Variants in TMEM272 observed in about 807,000 individuals in gnomAD.
TMEM272 encodes transmembrane protein 272, also known as long intergenic non-protein coding RNA 282.
TMEM272 carries 8 observed loss-of-function variants against 3.7 expected under a neutral mutation model. The ratio of observed to expected loss-of-function variants is 2.17; its 90% confidence interval spans 1.27 to 3.91. The LOEUF is 3.91. TMEM272 is among the 30% of genes most tolerant of loss of function. The pLI, the probability that TMEM272 is intolerant of heterozygous loss-of-function variation, is 0.00. For missense variants in TMEM272, 166 were observed against 91.5 expected (o/e 1.81, Z -3.32); for synonymous variants, 63 against 39.8 (o/e 1.58, Z -2.20).
the TMEM272 span, among the ~76,000 whole-genome samples, chr13:51,852,793 T>G: frequency 2.0e-5 from 3 of 149,076 alleles, no homozygotes; most frequent in Non-Finnish European, 3.0e-5. Flanking sequence ...GCAGGAGAAT[T>G]GCTTGAACCC....
chr13:51,850,346 C>T, the TMEM272 span, among the ~76,000 whole-genome samples: 1 of 152,038 alleles, frequency 6.6e-6, no homozygotes, highest in African/African-American at 2.4e-5. Flanking sequence ...ATTTACAAAA[C>T]GGTGAATGCT....
At chr13:51,837,665 T>C (rs1425445540) in intron 2 of TMEM272, among the ~76,000 whole-genome samples, 4 of 152,188 alleles carry the variant, frequency 2.6e-5, no homozygotes, top group African/African-American at 9.7e-5. Flanking sequence ...CAGGCACTGC[T>C]GGAGGTGCTG....
chr13:51,898,209 T>G, the TMEM272 span, among the ~76,000 whole-genome samples: 1 of 133,502 alleles, frequency 7.5e-6, no homozygotes, highest in Non-Finnish European at 1.6e-5. Flanking sequence ...AGAGCGAGAC[T>G]CCATCTCAAA....
the TMEM272 span, chr13:51,865,881 GA>G: frequency 1.2e-6 from 2 of 1,613,516 alleles, no homozygotes; most frequent in Non-Finnish European, 1.7e-6. Context: ...GTAGAGGAAA[GA>G]GCCCTCCTTG....
chr13:51,924,603 T>A, the TMEM272 span, among the ~76,000 whole-genome samples: 12 of 152,248 alleles, frequency 7.9e-5, no homozygotes, highest in African/African-American at 2.9e-4. Context: ...TGGAGTCTCC[T>A]GAGTTGGTGG....
the TMEM272 span, among the ~76,000 whole-genome samples, chr13:51,932,192 C>T: frequency 6.6e-6 from 1 of 152,090 alleles, no homozygotes; most frequent in Non-Finnish European, 1.5e-5. Context: ...CACTTACACC[C>T]CCCGGCCACC....
At chr13:51,919,150 G>A in the TMEM272 span, among the ~76,000 whole-genome samples, 6 of 152,086 alleles carry the variant, frequency 3.9e-5, no homozygotes, top group African/African-American at 1.2e-4. Context: ...AAACTCCCCA[G>A]CCCACTGATT....
At chr13:51,918,768 G>C in the TMEM272 span, among the ~76,000 whole-genome samples, 1 of 151,172 alleles carries the variant, frequency 6.6e-6, no homozygotes, top group East Asian at 1.9e-4. Flanking sequence ...GGGACCACAG[G>C]GACACGTCAC....
intron 1 of TMEM272, among the ~76,000 whole-genome samples, chr13:51,841,180 A>G (rs1956260345): frequency 6.6e-6 from 1 of 152,242 alleles, no homozygotes. Flanking sequence ...AAGGCCCGGA[A>G]GGTCGGTTCC....
chr13:51,873,202 T>C, the TMEM272 span, among the ~76,000 whole-genome samples: 1 of 152,344 alleles, frequency 6.6e-6, no homozygotes, highest in East Asian at 1.9e-4. Flanking sequence ...GTAGTAAGTA[T>C]GGAGAAAACT....
chr13:51,864,238 C>T, the TMEM272 span, among the ~76,000 whole-genome samples: 1 of 151,872 alleles, frequency 6.6e-6, no homozygotes, highest in East Asian at 1.9e-4. Flanking sequence ...ATTTTTATAA[C>T]AACACACATG....
chr13:51,842,222 G>A lies in TMEM272; in HGVS notation c.-24+2794C>T, dbSNP rs138480101. On this transcript the variant is annotated intron_variant, in intron 1 of 4. Coordinates refer to ENST00000629372, the MANE Select transcript of TMEM272 (RefSeq NM_001351003.2). The stretch of plus-strand genomic sequence containing the variant: ...AGGGGTAGGGAGGAATGTGCCGCAG[G>A]CAGGCGTGGGTAGTATTTTCATTTC... 2.0e-5 allele frequency among the ~76,000 whole-genome samples: 3 copies of A among 152,324 alleles called. No homozygotes were observed. The East Asian group carries it at 5.8e-4, about 29-fold the overall frequency.
chr13:51,837,471 T>C (rs1956225363), intron 2 of TMEM272, among the ~76,000 whole-genome samples: 1 of 152,122 alleles, frequency 6.6e-6, no homozygotes, highest in Non-Finnish European at 1.5e-5. Flanking sequence ...GCTCCAGGGA[T>C]GAAAGGAGGG....
At chr13:51,838,844 C>T (rs1490101397) in intron 1 of TMEM272, among the ~76,000 whole-genome samples, 1 of 152,194 alleles carries the variant, frequency 6.6e-6, no homozygotes, top group Non-Finnish European at 1.5e-5. Flanking sequence ...CTCTCACTTG[C>T]TGAGCAATGG....
the TMEM272 span, among the ~76,000 whole-genome samples, chr13:51,920,015 G>C: frequency 6.6e-6 from 1 of 152,148 alleles, no homozygotes; most frequent in East Asian, 1.9e-4. Context: ...CAGGAGCTAA[G>C]GACTAGGCAA....
the TMEM272 span, among the ~76,000 whole-genome samples, chr13:51,888,708 C>T: frequency 1.6e-5 from 2 of 124,904 alleles, no homozygotes; most frequent in South Asian, 2.7e-4. Context: ...TGCAGTGGCT[C>T]GATCTCAGCT....
chr13:51,839,109 G>A (rs1447998740), intron 1 of TMEM272, among the ~76,000 whole-genome samples: 1 of 152,076 alleles, frequency 6.6e-6, no homozygotes, highest in Non-Finnish European at 1.5e-5. Context: ...CCAAGCGGAA[G>A]AGGAACCATG....
At chr13:51,869,100 G>C in the TMEM272 span, among the ~76,000 whole-genome samples, 15,384 of 152,260 alleles carry the variant, frequency 0.1, 830 homozygotes, top group African/African-American at 0.13. Context: ...CTAGACTCAT[G>C]CAAGAGTTTA....
At chr13:51,887,899 C>G in the TMEM272 span, among the ~76,000 whole-genome samples, 1 of 152,224 alleles carries the variant, frequency 6.6e-6, no homozygotes, top group Admixed American at 6.5e-5. Flanking sequence ...GCCTACCTCC[C>G]AATGCCCAGT....
Sources: allele counts gnomAD v4.1 joint callset (sites outside exome capture counted in the v4.1 genomes callset), GRCh38; gene constraint gnomAD v4.1.1; transcripts MANE v1.5; gene names NCBI Gene and HGNC (gene_info 2026-07-23, HGNC 2026-07-21).